Variants in ERCC3 observed in about 807,000 individuals in gnomAD.
ERCC3 encodes general transcription and DNA repair factor IIH helicase/translocase subunit XPB.
ERCC3 carries 66 observed loss-of-function variants against 94.2 expected under a neutral mutation model. The ratio of observed to expected loss-of-function variants is 0.70; its 90% CI spans 0.57 to 0.86. ERCC3 has a LOEUF of 0.86. Among genes scored for constraint, ERCC3 ranks in the 40% least tolerant of loss-of-function variants. The pLI, the probability that ERCC3 is intolerant of heterozygous loss-of-function variation, is 0.00. For missense variants in ERCC3, 829 were observed against 987.1 expected (o/e 0.84, Z 2.15); for synonymous variants, 349 against 369.1 (o/e 0.95, Z 0.63).
chr2:127,290,518 G>A (rs570030923), intron 3 of ERCC3: 27 of 566,986 alleles, frequency 4.8e-5, no homozygotes, highest in East Asian at 2.2e-4. Context: ...GTTATAAAAC[G>A]CTGCTTAAAA....
At chr2:127,285,850 CA>C (rs899304227) in intron 8 of ERCC3, among the ~76,000 whole-genome samples, 35 of 136,024 alleles carry the variant, frequency 2.6e-4, no homozygotes, top group South Asian at 4.6e-4. Flanking sequence ...GATGCCATCT[CA>C]AAAAAAAAAA....
Position 127,291,251 on chromosome 2 carries a change from G to A in ERCC3, c.472-978C>T, listed in dbSNP as rs574261556. 4.1e-4 allele frequency among the ~76,000 whole-genome samples: 62 copies of A among 152,110 alleles called. No individual in the cohort carries two copies. The highest frequency in any genetic ancestry group is 1.3e-3 in the African/African-American group (54 of 41,510). ...GGTACAAGGTCCTCTCCTTGGGCACGCTTTCTTTTTTGTTGTTGTTCTGAG... is the reference window on the plus strand; with the variant it reads ...GGTACAAGGTCCTCTCCTTGGGCACACTTTCTTTTTTGTTGTTGTTCTGAG... On this transcript the variant is annotated intron_variant, in intron 3 of 14. Coordinates refer to ENST00000285398, the MANE Select transcript of ERCC3 (RefSeq NM_000122.2). This position sits in a 1 kb window ranked among gnomAD's most constrained non-coding sequence, Gnocchi z 4.9.
At position 127,259,393 on chromosome 2, in the gene ERCC3, T is replaced by C. The variant is rs775232626; in HGVS notation, c.2120A>G (p.Glu707Gly). The change falls in exon 14 of 15, where the codon GAA becomes GGA. Residue 707 changes from glutamate (E) to glycine (G), a missense_variant. Coordinates refer to ENST00000285398, the MANE Select transcript of ERCC3 (RefSeq NM_000122.2). This position sits in a 1 kb window ranked among gnomAD's most constrained non-coding sequence, Gnocchi z 4.9. ...EEEDLAFSTK[E>G]EQQQLLQKVL... ...TTTCTGTAAGAGCTGCTGTTGCTCT[T>C]CTTTTGTCGAAAACGCCAAGTCTTC... The C allele has an allele frequency of 4.5e-5, 73 of 1,614,032 alleles. No homozygotes were observed. Among genetic ancestry groups the C allele is most frequent in the Non-Finnish European group, 6.1e-5 (72 of 1,180,024 alleles).
chr2:127,267,820 T>C (rs1684422895), intron 12 of ERCC3, among the ~76,000 whole-genome samples: 1 of 152,228 alleles, frequency 6.6e-6, no homozygotes, highest in Non-Finnish European at 1.5e-5. Context: ...CTTTTAGCAG[T>C]TGCTTGTCTG....
At chr2:127,269,454 C>T (rs1446935910) in intron 12 of ERCC3, among the ~76,000 whole-genome samples, 1 of 129,904 alleles carries the variant, frequency 7.7e-6, no homozygotes, top group Admixed American at 8.8e-5. Context: ...TGGAGTCTTG[C>T]TCTGTTGCCC....
At chr2:127,278,157 G>A (rs1684791257) in intron 10 of ERCC3, among the ~76,000 whole-genome samples, 1 of 151,616 alleles carries the variant, frequency 6.6e-6, no homozygotes, top group Non-Finnish European at 1.5e-5. Context: ...AGGATTGATT[G>A]AGCCCAGGGG....
chr2:127,289,159 T>C (rs1052403415), intron 6 of ERCC3, among the ~76,000 whole-genome samples, 178 bp downstream of exon 6: 3 of 152,158 alleles, frequency 2.0e-5, no homozygotes, highest in African/African-American at 7.2e-5. Context: ...CACTGGGACT[T>C]TAACTCCATC....
At chr2:127,261,071 C>T in intron 13 of ERCC3, 157 bp downstream of exon 13, 1 of 684,228 alleles carries the variant, frequency 1.5e-6, no homozygotes, top group Non-Finnish European at 2.7e-6. Flanking sequence ...CAGCTGCCCT[C>T]AGAGATTCAT....
At chr2:127,283,837 C>T (rs891295877) in intron 8 of ERCC3, among the ~76,000 whole-genome samples, 1 of 152,184 alleles carries the variant, frequency 6.6e-6, no homozygotes. Flanking sequence ...TTTTCAAGTG[C>T]TTTTTTGACA....
intron 12 of ERCC3, among the ~76,000 whole-genome samples, chr2:127,266,897 G>T (rs867531409): frequency 1.7e-4 from 26 of 151,930 alleles, no homozygotes; most frequent in African/African-American, 6.3e-4. Context: ...TTGTATTTTA[G>T]TAGAGACGGG....
chr2:127,261,283 A>G lies in ERCC3; in HGVS notation c.2009T>C (p.Met670Thr). The G allele has an allele frequency of 6.2e-7, 1 of 1,613,812 alleles. No individual in the cohort carries two copies. The highest frequency in any genetic ancestry group is 8.5e-7 in the Non-Finnish European group (1 of 1,179,664). ...TCTCTGCCGCTTGGTTGAGTAAGCC[A>G]TTTCCTGTGTGTCCTGGGATACCAG... ...YSLVSQDTQE[M>T]AYSTKRQRFL... The change falls in exon 13 of 15, where the codon ATG becomes ACG. Residue 670 changes from methionine (M) to threonine (T), a missense_variant. Coordinates refer to ENST00000285398, the MANE Select transcript of ERCC3 (RefSeq NM_000122.2).
chr2:127,287,611 G>A (rs1174353763), intron 7 of ERCC3, among the ~76,000 whole-genome samples: 6 of 152,136 alleles, frequency 3.9e-5, no homozygotes, highest in Non-Finnish European at 8.8e-5. Context: ...TCCAGCATGG[G>A]CAACGGAGCA....
intron 3 of ERCC3, chr2:127,292,364 GA>G: frequency 1.7e-6 from 1 of 584,054 alleles, no homozygotes; most frequent in Non-Finnish European, 3.1e-6. Context: ...CGGCTCATGA[GA>G]AGCGTGGCCT....
intron 7 of ERCC3, among the ~76,000 whole-genome samples, chr2:127,287,518 C>T (rs1055327797): frequency 6.6e-6 from 1 of 152,114 alleles, no homozygotes; most frequent in African/African-American, 2.4e-5. Flanking sequence ...CCTATAATCC[C>T]GGTCACTTGG....
intron 12 of ERCC3, among the ~76,000 whole-genome samples, chr2:127,267,240 T>G: frequency 6.6e-6 from 1 of 152,216 alleles, no homozygotes; most frequent in East Asian, 1.9e-4. Context: ...AGCCTTTTCC[T>G]AGCTCTAAAA....
In ERCC3 at chr2:127,259,436, G is replaced by A. The variant is rs774621930; in HGVS notation, c.2077C>T (p.Leu693Phe). ...AAGTCTTCCTCCTCCATGCCAGCGAGTTTCGTGATCACCTGCAAAGCCCAA... is the reference window on the plus strand; with the variant it reads ...AAGTCTTCCTCCTCCATGCCAGCGAATTTCGTGATCACCTGCAAAGCCCAA... ...QGYSFKVITK[L>F]AGMEEEDLAF... The change falls in exon 14 of 15, where the codon CTC becomes TTC. Residue 693 changes from leucine (L) to phenylalanine (F), a missense_variant. By Grantham distance (22) the Leu-to-Phe change is conservative. Coordinates refer to ENST00000285398, the MANE Select transcript of ERCC3 (RefSeq NM_000122.2). The surrounding 1 kb of genome is among the most constrained non-coding windows in gnomAD (Gnocchi z 4.9). 6.2e-7 allele frequency: 1 copy of A among 1,614,062 alleles called. No individual in the cohort carries two copies.
At chr2:127,270,046 A>ATCAG (rs1340999279) in intron 12 of ERCC3, among the ~76,000 whole-genome samples, 1 of 151,944 alleles carries the variant, frequency 6.6e-6, no homozygotes, top group Non-Finnish European at 1.5e-5. Context: ...CAATCAATCA[A>ATCAG]TAAAGGAGTT....
intron 12 of ERCC3, chr2:127,261,843 G>A (rs1366385121): frequency 1.5e-5 from 3 of 195,654 alleles, no homozygotes; most frequent in African/African-American, 7.1e-5. Context: ...TGTTGTCAAG[G>A]ATGTGGAAAA....
In ERCC3 at chr2:127,289,395, A is replaced by G; in HGVS notation, c.764T>C (p.Met255Thr). 6.2e-7 allele frequency: 1 copy of G among 1,613,510 alleles called. No homozygotes were observed. Among genetic ancestry groups the G allele is most frequent in the African/African-American group, 1.3e-5 (1 of 74,976 alleles). Reference protein sequence around the residue: ...PMDLFDFYEQMDKDEEEEEET... With the variant: ...PMDLFDFYEQTDKDEEEEEET... ...TTCTTCTTCTTCTTCATCCTTGTCC[A>G]TTTGCTCATAGAAGTCAAACAGGTC... The change falls in exon 6 of 15, where the codon ATG (methionine) becomes ACG (threonine). Residue 255 changes from methionine to threonine, a missense_variant. Physicochemically the swap from Met to Thr is moderately conservative, Grantham distance 81 (BLOSUM62 -1). Coordinates refer to ENST00000285398, the MANE Select transcript of ERCC3 (RefSeq NM_000122.2).
Sources: gnomAD v4.1 joint callset for allele counts (sites outside exome capture counted in the v4.1 genomes callset) on GRCh38, gnomAD v4.1.1 for gene constraint, Gnocchi (gnomAD v3.1) non-coding constraint, MANE v1.5 for transcripts, NCBI Gene and HGNC (gene_info 2026-07-23, HGNC 2026-07-21) for gene names.